ST3GAL4: variants seen among roughly 807,000 people sequenced by gnomAD.
ST3GAL4 encodes the protein CMP-N-acetylneuraminate-beta-galactosamide-alpha-2,3-sialyltransferase 4.
In ST3GAL4, 24 loss-of-function variants were observed where a neutral mutation model predicts 42.6. The observed-to-expected ratio is 0.56, with a 90% CI of 0.41 to 0.79. The LOEUF is 0.79. ST3GAL4 is among the 30% of genes least tolerant of loss of function. The pLI, the probability that ST3GAL4 is intolerant of heterozygous loss-of-function variation, is 0.00. For synonymous variants in ST3GAL4, 135 were observed against 163.2 expected, an observed-to-expected ratio of 0.83 and a Z score of 1.32; for missense variants, 311 against 430.8, an observed-to-expected ratio of 0.72 and a Z score of 2.46.
rs185832452 is a variant in ST3GAL4 at position 126,384,908 on chromosome 11, G to T, written c.-60-21188G>T. ...TGAGGACCCCTCTCTTTGCTGGGCTGGGACAGAGCTTGAATGGAGAGGGGC... is the reference window on the plus strand; with the variant it reads ...TGAGGACCCCTCTCTTTGCTGGGCTTGGACAGAGCTTGAATGGAGAGGGGC... On this transcript the variant is annotated intron_variant, in intron 1 of 10. Transcript: ENST00000444328. The surrounding 1 kb of genome is among the most constrained non-coding windows in gnomAD (Gnocchi z 5.5). 2.1e-3 allele frequency: 2,047 copies of T among 985,374 alleles called. 29 individuals are homozygous for T. The African/African-American group carries it at 0.03, about 15-fold the overall frequency. The allele number at this position is 985,374 out of a possible 1,614,324, so 61.0% of individuals were successfully genotyped here. A position where few individuals can be genotyped will look rare whatever the true frequency, so the allele number is the denominator to read the frequency against.
At chr11:126,380,727 G>A (rs992810443) in intron 1 of ST3GAL4, among the ~76,000 whole-genome samples, 4 of 152,130 alleles carry the variant, frequency 2.6e-5, no homozygotes, top group Non-Finnish European at 4.4e-5. Flanking sequence ...AGACCTCCTC[G>A]GCAGGTAGGT....
Position 126,366,291 on chromosome 11 carries a change from AAG to A in ST3GAL4, c.-61+10454_-61+10455del, listed in dbSNP as rs1264526288. Among the ~76,000 whole-genome samples the A allele has an allele frequency of 6.6e-5, 10 of 152,100 alleles. No homozygotes were observed. On this transcript the variant is annotated intron_variant, in intron 1 of 10. Coordinates refer to ENST00000444328, the MANE Select transcript of ST3GAL4 (RefSeq NM_001254757.2). This position sits in a 1 kb window ranked among gnomAD's most constrained non-coding sequence, Gnocchi z 4.2. ...CACGGCCAGCCCTGAGGAATGGAGG[AAG>A]AGAGTGCCCTGGCTGGGGGAGCCCC... is the stretch of plus-strand genomic sequence containing the variant.
chr11:126,389,572 T>G (rs1252067247), intron 1 of ST3GAL4, among the ~76,000 whole-genome samples: 1 of 152,124 alleles, frequency 6.6e-6, no homozygotes, highest in African/African-American at 2.4e-5. Context: ...TTACTTTTAT[T>G]ATTTTATTTA....
At chr11:126,356,856 C>G (rs1952086371) in intron 1 of ST3GAL4, among the ~76,000 whole-genome samples, 1 of 152,242 alleles carries the variant, frequency 6.6e-6, no homozygotes, top group Non-Finnish European at 1.5e-5. Flanking sequence ...TGAGTTCTCA[C>G]AAGAGACACA....
intron 1 of ST3GAL4, among the ~76,000 whole-genome samples, chr11:126,395,380 G>A (rs1953704168): frequency 6.6e-6 from 1 of 152,136 alleles, no homozygotes. Flanking sequence ...GTAAAGAGCT[G>A]GACGGAGAGA....
chr11:126,408,278 G>T, intron 7 of ST3GAL4, 29 bp from the exon 8 acceptor site: 2 of 1,613,132 alleles, frequency 1.2e-6, no homozygotes, highest in Non-Finnish European at 1.7e-6. Flanking sequence ...GAGGCCTCTA[G>T]TGATGGGAAT....
rs1296843668 is a variant in ST3GAL4 at position 126,392,511 on chromosome 11, C to T, written c.-60-13585C>T. 1.3e-5 allele frequency among the ~76,000 whole-genome samples: 2 copies of T among 152,216 alleles called. No individual in the cohort carries two copies. The highest frequency in any genetic ancestry group is 2.4e-5 in the African/African-American group (1 of 41,460). The stretch of plus-strand genomic sequence containing the variant: ...CTCCCAGTGTGAGCTTCTAGCAAGC[C>T]CCTTGTGCCTTAGATGCCCAGGTCT... On this transcript the variant is annotated intron_variant, in intron 1 of 10. Coordinates refer to ENST00000444328, the MANE Select transcript of ST3GAL4 (RefSeq NM_001254757.2). This position sits in a 1 kb window ranked among gnomAD's most constrained non-coding sequence, Gnocchi z 5.8.
chr11:126,399,096 A>G (rs1953896728), intron 1 of ST3GAL4, among the ~76,000 whole-genome samples: 1 of 152,068 alleles, frequency 6.6e-6, no homozygotes, highest in Non-Finnish European at 1.5e-5. Flanking sequence ...CTCCTTATCA[A>G]ACTGTGGCTC....
In ST3GAL4 at chr11:126,407,274, T is replaced by G. The variant is rs767105716; in HGVS notation, c.205T>G (p.Phe69Val). ...FGNYSRDQPI[F>V]LRLEDYFWVK... ...CAGCTACTCCCGGGATCAGCCCATC[T>G]TCCTGCGGCTTGAGGATTATTTCTG... The change falls in exon 5 of 11, where the codon TTC becomes GTC. Residue 69 changes from phenylalanine (F) to valine (V), a missense_variant. Physicochemically the swap from Phe to Val is conservative, Grantham distance 50. Transcript: ENST00000444328. 6.2e-7 allele frequency: 1 copy of G among 1,614,214 alleles called. No homozygotes were observed. The highest frequency in any genetic ancestry group is 1.1e-5 in the South Asian group (1 of 91,082).
Position 126,411,557 on chromosome 11 carries a change from T to C in ST3GAL4, c.772-1948T>C, listed in dbSNP as rs1202292220. Among the ~76,000 whole-genome samples, 2 of 152,172 alleles carry C rather than the reference T, an allele frequency of 1.3e-5. No homozygotes were observed. The highest frequency in any genetic ancestry group is 2.9e-5 in the Non-Finnish European group (2 of 68,010). On this transcript the variant is annotated intron_variant, in intron 9 of 10. Transcript: ENST00000444328. This position sits in a 1 kb window ranked among gnomAD's most constrained non-coding sequence, Gnocchi z 6.3. ...AGCAGGGTGTGGCTGGTTCTCTGTT[T>C]AGGGTGTCACAAGGCTGGACTCGGT... is the stretch of plus-strand genomic sequence containing the variant.
intron 1 of ST3GAL4, chr11:126,375,213 C>T (rs1208725910): frequency 6.6e-6 from 1 of 152,296 alleles, no homozygotes; most frequent in Non-Finnish European, 1.5e-5. Flanking sequence ...TTAGTGGTCC[C>T]ACGAATACAG....
intron 1 of ST3GAL4, among the ~76,000 whole-genome samples, chr11:126,377,489 T>C (rs572079958): frequency 6.7e-6 from 1 of 149,656 alleles, no homozygotes; most frequent in South Asian, 2.1e-4. Context: ...CTTTTTTTTT[T>C]TTTTTTTTTG....
chr11:126,414,383 C>A lies in ST3GAL4; in HGVS notation c.*336C>A. ...GGTGCTGTGGGCTGGTCCCACACAT[C>A]CAGGAAAGAGGCCAGTAGAGAATTC... is the stretch of plus-strand genomic sequence containing the variant. On this transcript the variant is annotated 3_prime_UTR_variant, in exon 11 of 11. Coordinates refer to ENST00000444328, the MANE Select transcript of ST3GAL4 (RefSeq NM_001254757.2). 3.3e-6 allele frequency: 1 copy of A among 305,986 alleles called. No individual in the cohort carries two copies. Among genetic ancestry groups the A allele is most frequent in the Non-Finnish European group, 6.3e-6 (1 of 159,988 alleles). The allele number at this position is 305,986 out of a possible 1,614,324, so 19.0% of individuals were successfully genotyped here.
chr11:126,362,193 CTTTTTTTTTTTTTT>C (rs763280766), intron 1 of ST3GAL4, among the ~76,000 whole-genome samples: 1 of 119,092 alleles, frequency 8.4e-6, no homozygotes, highest in South Asian at 2.9e-4. Flanking sequence ...ACATTTCTTC[CTTTTTTTTTTTTTT>C]TTTTTTTTAA....
intron 1 of ST3GAL4, among the ~76,000 whole-genome samples, chr11:126,395,961 C>T (rs954893686): frequency 4.6e-5 from 7 of 152,194 alleles, no homozygotes; most frequent in Admixed American, 2.0e-4. Flanking sequence ...AGCAAGGACC[C>T]GGGCTCTCCC....
At chr11:126,399,990 GCCTC>G (rs546638855) in intron 1 of ST3GAL4, among the ~76,000 whole-genome samples, 78 of 152,036 alleles carry the variant, frequency 5.1e-4, no homozygotes, top group African/African-American at 1.3e-3. Context: ...TTGCCTGCCT[GCCTC>G]CCTCCCTCCC....
At chr11:126,401,166 C>T (rs1953973407) in intron 1 of ST3GAL4, among the ~76,000 whole-genome samples, 1 of 152,036 alleles carries the variant, frequency 6.6e-6, no homozygotes, top group South Asian at 2.1e-4. Context: ...GAGCTCGAAT[C>T]ATCAGTGTAT....
intron 1 of ST3GAL4, among the ~76,000 whole-genome samples, chr11:126,365,186 TC>T (rs1952383539): frequency 6.8e-6 from 1 of 147,352 alleles, no homozygotes; most frequent in Non-Finnish European, 1.5e-5. Flanking sequence ...AGGCTCTGTG[TC>T]TGGCCTGTGC....
rs7129728 is a variant in ST3GAL4, at chr11:126,403,457, C to G, written c.-60-2639C>G. ...AATGAGCTCTTTGTAGTGTTTCCCG[C>G]CCAGGCTGCATTTTAGAATCACAGA... On this transcript the variant is annotated intron_variant, in intron 1 of 10. Coordinates refer to ENST00000444328, the MANE Select transcript of ST3GAL4 (RefSeq NM_001254757.2). 6.9e-3 allele frequency: 6,828 copies of G among 985,154 alleles called. 340 individuals are homozygous for G. In the African/African-American group the frequency reaches 0.11, roughly 15 times the overall value. 61.0% of individuals were successfully genotyped at this position (985,154 alleles called of 1,614,324 possible).
Sources: allele counts gnomAD v4.1 joint callset (sites outside exome capture counted in the v4.1 genomes callset), GRCh38; gene constraint gnomAD v4.1.1; non-coding constraint Gnocchi (gnomAD v3.1); transcripts MANE v1.5; gene names NCBI Gene and HGNC (gene_info 2026-07-23, HGNC 2026-07-21).